The following ARSH variants were observed in gnomAD, a reference collection of about 807,000 sequenced individuals.
ARSH encodes the protein arylsulfatase H.
ARSH carries 32 observed loss-of-function variants against 28.7 expected under a neutral mutation model. The ratio of observed to expected loss-of-function variants is 1.11; its 90% CI spans 0.84 to 1.50. ARSH has a LOEUF of 1.50. Among genes scored for constraint, ARSH ranks in the 40% most tolerant of loss-of-function variants. The pLI, the probability that ARSH is intolerant of heterozygous loss-of-function variation, is 0.00. For synonymous variants in ARSH, 176 were observed against 177.3 expected (o/e 0.99, Z 0.06); for missense variants, 440 against 452.4 (o/e 0.97, Z 0.25).
At chrX:3,013,202 C>T in intron 3 of ARSH, 30 bp downstream of exon 3, 2 of 1,190,414 alleles carry the variant, frequency 1.7e-6, no homozygotes, top group Non-Finnish European at 2.3e-6. Context: ...CCCGTGGAAA[C>T]GTGATCCTGC....
intron 4 of ARSH, among the ~76,000 whole-genome samples, chrX:3,017,111 C>T (rs1362362840): frequency 9.0e-6 from 1 of 111,336 alleles, no homozygotes; most frequent in Non-Finnish European, 1.9e-5. Context: ...GCCACCCACT[C>T]AGCTCTCCAT....
intron 3 of ARSH, 96 bp downstream of exon 3, chrX:3,013,268 C>G: frequency 1.0e-6 from 1 of 976,898 alleles, no homozygotes; most frequent in South Asian, 2.5e-5. Flanking sequence ...TTGTGCGCGC[C>G]AGTTTGACCG....
In ARSH at chrX:3,029,377, G is replaced by A. The variant is rs2089907704; in HGVS notation, c.1321+9G>A. The A allele has an allele frequency of 8.3e-7, 1 of 1,206,475 alleles. No individual in the cohort carries two copies. The highest frequency in any genetic ancestry group is 2.3e-4 in the Middle Eastern group (1 of 4,328). ...GTGGCATCAGAAGGACTGTAAGTATGAAGGCTGTGGACACGTGGAAAGACG... is the reference window on the plus strand; with the variant it reads ...GTGGCATCAGAAGGACTGTAAGTATAAAGGCTGTGGACACGTGGAAAGACG... On this transcript the variant is annotated intron_variant, in intron 8 of 8. Transcript: ENST00000381130.
rs771591883 is a variant in ARSH, at chrX:3,006,567, G to A, written c.-46G>A. 21 of 1,087,011 alleles carry A rather than the reference G, an allele frequency of 1.9e-5. No homozygotes were observed. The highest frequency in any genetic ancestry group is 2.4e-5 in the Non-Finnish European group (19 of 791,134). The allele number at this position is 1,087,011 out of a possible 1,213,427, so 89.6% of individuals were successfully genotyped here. ...AAAATGCTTTCAGGAGCTGCTGGCT[G>A]TCAGTGTCCCTGTGCTGTTTGTTTT... On this transcript the variant is annotated 5_prime_UTR_variant, in exon 1 of 9. Coordinates refer to ENST00000381130, the MANE Select transcript of ARSH (RefSeq NM_001011719.2).
intron 1 of ARSH, among the ~76,000 whole-genome samples, chrX:3,009,367 G>A (rs1359144233): frequency 9.0e-6 from 1 of 111,292 alleles, no homozygotes; most frequent in Non-Finnish European, 1.9e-5. Flanking sequence ...AGCTAGTCAG[G>A]AGGCTGAGGC....
At chrX:3,013,277 C>A (rs770797998) in intron 3 of ARSH, 105 bp downstream of exon 3, 57 of 932,512 alleles carry the variant, frequency 6.1e-5, no homozygotes, top group Non-Finnish European at 8.1e-5. Context: ...CCAGTTTGAC[C>A]GACTTCTCTT....
chrX:3,028,275 A>T (rs184553975), intron 7 of ARSH, among the ~76,000 whole-genome samples: 1,148 of 108,813 alleles, frequency 0.011, 4 homozygotes, highest in Middle Eastern at 0.038. Flanking sequence ...CAGTGGTGTG[A>T]TCTCGGCTCA....
intron 5 of ARSH, among the ~76,000 whole-genome samples, chrX:3,021,823 C>T (rs766772277): frequency 7.4e-5 from 8 of 108,044 alleles, no homozygotes; most frequent in Non-Finnish European, 1.1e-4. Flanking sequence ...GGTGATCCTC[C>T]CACCTCAGCC....
At chrX:3,009,133 C>T (rs1453802363) in intron 1 of ARSH, among the ~76,000 whole-genome samples, 3 of 110,834 alleles carry the variant, frequency 2.7e-5, no homozygotes, top group Admixed American at 9.7e-5. Flanking sequence ...TCATTTGAAG[C>T]CAGGAGTTTG....
rs145895586 is a variant in ARSH at position 3,015,014 on chromosome X, T to C, written c.385T>C (p.Cys129Arg). 3.6e-5 allele frequency: 44 copies of C among 1,209,907 alleles called. No homozygotes were observed. The African/African-American group carries it at 6.8e-4, about 19-fold the overall frequency. Residue 129 changes from cysteine to arginine, a missense_variant, in exon 4 of 9, where the codon TGT becomes CGT. By Grantham distance (180) the Cys-to-Arg change is radical. Transcript: ENST00000381130. ...GAGCTGCGCCTCTCGGAATGATCACTGTTACCACCCGCTCAACCATGGTTT... is the reference window on the plus strand; with the variant it reads ...GAGCTGCGCCTCTCGGAATGATCACCGTTACCACCCGCTCAACCATGGTTT... ...GLSCASRNDHCYHPLNHGFHY... is the reference protein window; with the variant it reads ...GLSCASRNDHRYHPLNHGFHY...
rs555317835 is a variant in ARSH, at chrX:3,013,874, G to A, written c.340+702G>A. Among the ~76,000 whole-genome samples the A allele has an allele frequency of 9.9e-5, 11 of 111,556 alleles. No homozygotes were observed. The South Asian group carries it at 2.3e-3, about 23-fold the overall frequency. ...CAACTCCCAGCAGCGTCCTGTGAGT[G>A]GGAATTCTCTAGATTAGCTTTGAGC... On this transcript the variant is annotated intron_variant, in intron 3 of 8. Coordinates refer to ENST00000381130, the MANE Select transcript of ARSH (RefSeq NM_001011719.2).
At chrX:3,022,605 C>T (rs1301069510) in intron 5 of ARSH, among the ~76,000 whole-genome samples, 2 of 111,879 alleles carry the variant, frequency 1.8e-5, no homozygotes, top group Admixed American at 9.6e-5. Flanking sequence ...CAACAGACAT[C>T]AGAAAGGAAA....
chrX:3,028,732 TTTTG>T (rs1448935592), intron 7 of ARSH, among the ~76,000 whole-genome samples: 2 of 111,563 alleles, frequency 1.8e-5, no homozygotes, highest in Non-Finnish European at 3.8e-5. Flanking sequence ...AAAATGAATG[TTTTG>T]TTTCTCTTTC....
intron 8 of ARSH, among the ~76,000 whole-genome samples, chrX:3,030,866 C>T (rs763973640): frequency 3.6e-5 from 4 of 111,123 alleles, no homozygotes; most frequent in Non-Finnish European, 7.5e-5. Context: ...TGTCAAAATA[C>T]TAGCCTGGCA....
intron 2 of ARSH, among the ~76,000 whole-genome samples, chrX:3,011,798 T>C (rs149663176): frequency 0.016 from 1,780 of 111,745 alleles, 35 homozygotes; most frequent in African/African-American, 0.053. Flanking sequence ...TCAATGACAC[T>C]ATCTAGAGTC....
Position 3,024,089 on chromosome X carries a change from A to C in ARSH, c.970A>C (p.Asn324His), listed in dbSNP as rs1416958051. 1.7e-6 allele frequency: 2 copies of C among 1,205,580 alleles called. No individual in the cohort carries two copies. The change falls in exon 6 of 9, where the codon AAC becomes CAC. Residue 324 changes from asparagine to histidine, a missense_variant. By Grantham distance (68) the Asn-to-His change is moderately conservative. Transcript: ENST00000381130. ...NHTLVYFTSDNGGHLEPLDGA... is the reference protein window; with the variant it reads ...NHTLVYFTSDHGGHLEPLDGA... ...CACCTTGGTGTACTTCACCTCTGAC[A>C]ACGGGGGCCACCTGGAGCCCCTGGA...
Position 3,028,798 on chromosome X carries a change from C to T in ARSH, c.1200-449C>T, listed in dbSNP as rs375149518. On this transcript the variant is annotated intron_variant, in intron 7 of 8. Transcript: ENST00000381130. ...AGAAAGTTTTAAGAATTCCTTCTTC[C>T]GCCAGGCGCCGTGGCTCACGCCTGT... Among the ~76,000 whole-genome samples, 16 of 110,444 alleles carry T rather than the reference C, an allele frequency of 1.4e-4. No individual in the cohort carries two copies. The East Asian group carries it at 3.2e-3, about 22-fold the overall frequency.
At chrX:3,016,041 C>T (rs1180554423) in intron 4 of ARSH, among the ~76,000 whole-genome samples, 1 of 105,076 alleles carries the variant, frequency 9.5e-6, no homozygotes, top group African/African-American at 3.5e-5. Flanking sequence ...GACAGGATCT[C>T]ACTCTGCCAC....
In ARSH at chrX:3,033,543, T is replaced by C. The variant is rs780920387; in HGVS notation, c.*158T>C. On this transcript the variant is annotated 3_prime_UTR_variant, in exon 9 of 9. Coordinates refer to ENST00000381130, the MANE Select transcript of ARSH (RefSeq NM_001011719.2). ...CAGTTCTTTCAAGAGCTCGGTGAAA[T>C]TAAAGTGGGCCCATATAACAGTGAA... The C allele has an allele frequency of 1.7e-4, 93 of 552,529 alleles. No homozygotes were observed. In the African/African-American group the frequency reaches 2.0e-3, roughly 12 times the overall value. The allele number at this position is 552,529 out of a possible 1,213,427, so 45.5% of individuals were successfully genotyped here.
Sources: allele counts gnomAD v4.1 joint callset (sites outside exome capture counted in the v4.1 genomes callset), GRCh38; gene constraint gnomAD v4.1.1; transcripts MANE v1.5; gene names NCBI Gene and HGNC (gene_info 2026-07-23, HGNC 2026-07-21).